The following CHSY1 variants were observed in gnomAD, a reference collection of about 807,000 sequenced individuals.
CHSY1 encodes N-acetylgalactosaminyl-proteoglycan 3-beta-glucuronosyltransferase 1.
CHSY1 carries 13 observed loss-of-function variants against 59.8 expected under a neutral mutation model. The ratio of observed to expected loss-of-function variants is 0.22; its 90% confidence interval spans 0.14 to 0.35. The LOEUF (loss-of-function observed/expected upper bound fraction) is 0.35, where lower values mean the gene tolerates loss of function less well. CHSY1 is among the 10% of genes least tolerant of loss of function. The probability of loss-of-function intolerance (pLI) is 1.00; values close to 1 mark genes in which losing one functional copy is unlikely to be tolerated. For synonymous variants in CHSY1, 459 were observed against 401.2 expected, an observed-to-expected ratio of 1.14 and a Z score of -1.72; for missense variants, 947 against 1,030.6, an observed-to-expected ratio of 0.92 and a Z score of 1.11.
At chr15:101,241,270 T>C (rs974338662) in intron 1 of CHSY1, among the ~76,000 whole-genome samples, 9 of 152,212 alleles carry the variant, frequency 5.9e-5, no homozygotes, top group Admixed American at 2.0e-4. Context: ...TTTGTACTTA[T>C]AGTTGAGACA....
At chr15:101,221,584 T>C (rs1309354627) in intron 2 of CHSY1, among the ~76,000 whole-genome samples, 1 of 152,204 alleles carries the variant, frequency 6.6e-6, no homozygotes, top group Non-Finnish European at 1.5e-5. Flanking sequence ...GTAACCAGAA[T>C]TCTAAATTAT....
chr15:101,185,989 T>C (rs1038806256), intron 2 of CHSY1, among the ~76,000 whole-genome samples: 1 of 151,690 alleles, frequency 6.6e-6, no homozygotes, highest in African/African-American at 2.4e-5. Flanking sequence ...GCAGGTAGCA[T>C]TTAATTACTG....
At chr15:101,243,757 G>C (rs953913987) in intron 1 of CHSY1, among the ~76,000 whole-genome samples, 3 of 152,230 alleles carry the variant, frequency 2.0e-5, no homozygotes, top group African/African-American at 7.2e-5. Flanking sequence ...ACTTTGCAGT[G>C]CTTGGGCTGG....
chr15:101,188,476 G>C (rs1214795016), intron 2 of CHSY1, among the ~76,000 whole-genome samples: 2 of 152,022 alleles, frequency 1.3e-5, no homozygotes. Context: ...TCCCTGCTAG[G>C]TCTTTCCTAA....
chr15:101,195,388 T>C (rs2038493687), intron 2 of CHSY1, among the ~76,000 whole-genome samples: 1 of 152,250 alleles, frequency 6.6e-6, no homozygotes, highest in African/African-American at 2.4e-5. Flanking sequence ...TGTCAGGATT[T>C]CAACCAAAGA....
chr15:101,189,755 G>A (rs909148037), intron 2 of CHSY1, among the ~76,000 whole-genome samples: 5 of 152,230 alleles, frequency 3.3e-5, no homozygotes, highest in African/African-American at 9.6e-5. Flanking sequence ...CCGTGTTAAC[G>A]TATAGCATTT....
Position 101,251,198 on chromosome 15 carries a change from G to T in CHSY1, c.259C>A (p.Leu87Ile). Residue 87 changes from leucine (L) to isoleucine (I), a missense_variant, in exon 1 of 3, where the codon CTC (leucine) becomes ATC (isoleucine). By Grantham distance (5) the Leu-to-Ile change is conservative (BLOSUM62 2). Coordinates refer to ENST00000254190, the MANE Select transcript of CHSY1 (RefSeq NM_014918.5). ...PDGGPRDRNF[L>I]FVGVMTAQKY... ...TGGGCGGTCATGACTCCCACGAAGA[G>T]AAAGTTCCTGTCGCGCGGGCCGCCA... 6.2e-7 allele frequency: 1 copy of T among 1,600,408 alleles called. No homozygotes were observed. The highest frequency in any genetic ancestry group is 8.5e-7 in the Non-Finnish European group (1 of 1,176,846).
At chr15:101,247,470 C>T (rs1370991034) in intron 1 of CHSY1, among the ~76,000 whole-genome samples, 1 of 152,102 alleles carries the variant, frequency 6.6e-6, no homozygotes, top group East Asian at 1.9e-4. Flanking sequence ...TGTCGTCCCT[C>T]TGACTAAAGA....
chr15:101,195,867 C>T (rs2038500598), intron 2 of CHSY1, among the ~76,000 whole-genome samples: 1 of 149,446 alleles, frequency 6.7e-6, no homozygotes, highest in South Asian at 2.1e-4. Flanking sequence ...GAGGTAATTG[C>T]AGGAGAGACT....
At chr15:101,181,569 T>C (rs117548925) in intron 2 of CHSY1, among the ~76,000 whole-genome samples, 2,509 of 152,306 alleles carry the variant, frequency 0.016, 34 homozygotes, top group East Asian at 0.076. Flanking sequence ...CATCTCCCCA[T>C]GTATCTCCGA....
At chr15:101,250,518 A>G (rs2039095821) in intron 1 of CHSY1, among the ~76,000 whole-genome samples, 1 of 152,236 alleles carries the variant, frequency 6.6e-6, no homozygotes, top group African/African-American at 2.4e-5. Context: ...AATTAACACC[A>G]GAATGCAGTT....
intron 2 of CHSY1, among the ~76,000 whole-genome samples, chr15:101,221,235 T>C (rs534228216): frequency 1.3e-5 from 2 of 152,344 alleles, no homozygotes; most frequent in African/African-American, 4.8e-5. Context: ...GGCTCACGCC[T>C]GTAATCCCAG....
At chr15:101,230,677 A>G (rs192679780) in intron 2 of CHSY1, among the ~76,000 whole-genome samples, 60 of 152,292 alleles carry the variant, frequency 3.9e-4, no homozygotes, top group African/African-American at 1.3e-3. Flanking sequence ...CTTTTTACAC[A>G]TTTTGCTGCA....
At chr15:101,208,102 A>C (rs1158466562) in intron 2 of CHSY1, among the ~76,000 whole-genome samples, 1 of 152,226 alleles carries the variant, frequency 6.6e-6, no homozygotes, top group Non-Finnish European at 1.5e-5. Context: ...GCAATTACAA[A>C]TACAGAAAGG....
At chr15:101,239,121 A>G (rs1228029914) in intron 1 of CHSY1, among the ~76,000 whole-genome samples, 2 of 152,230 alleles carry the variant, frequency 1.3e-5, no homozygotes, top group Non-Finnish European at 2.9e-5. Flanking sequence ...AATGTTTTTC[A>G]TTTGGCAGTC....
At chr15:101,193,496 TA>T (rs67452222) in intron 2 of CHSY1, among the ~76,000 whole-genome samples, 82,244 of 152,112 alleles carry the variant, frequency 0.54, 24,411 homozygotes, top group Non-Finnish European at 0.68. Context: ...GGAGCAAGCA[TA>T]AACGGCTGGG....
intron 2 of CHSY1, among the ~76,000 whole-genome samples, chr15:101,208,190 G>A (rs554886524): frequency 6.6e-6 from 1 of 152,136 alleles, no homozygotes; most frequent in Non-Finnish European, 1.5e-5. Context: ...ACACACACAT[G>A]CACATTTTCC....
rs1281613660 is a variant in CHSY1 at position 101,178,124 on chromosome 15, C to A, written c.1673G>T (p.Cys558Phe). ...CTTGACGTTCTGATTGGGGATAAGACACGTCTTCTCAAAGTTTCCCATAAA... is the reference window on the plus strand; with the variant it reads ...CTTGACGTTCTGATTGGGGATAAGAAACGTCTTCTCAAAGTTTCCCATAAA... ...VRFMGNFEKT[C>F]LIPNQNVKLV... The change falls in exon 3 of 3, where the codon TGT (cysteine) becomes TTT (phenylalanine). Residue 558 changes from cysteine (C) to phenylalanine (F), a missense_variant. Coordinates refer to ENST00000254190, the MANE Select transcript of CHSY1 (RefSeq NM_014918.5). The A allele has an allele frequency of 6.2e-7, 1 of 1,614,094 alleles. No individual in the cohort carries two copies. The highest frequency in any genetic ancestry group is 8.5e-7 in the Non-Finnish European group (1 of 1,180,034).
chr15:101,186,516 T>C (rs577710006), intron 2 of CHSY1, among the ~76,000 whole-genome samples: 1 of 152,292 alleles, frequency 6.6e-6, no homozygotes, highest in South Asian at 2.1e-4. Context: ...ATTTATAAAA[T>C]GACTGGGCTG....
Sources: gnomAD v4.1 joint callset for allele counts (sites outside exome capture counted in the v4.1 genomes callset) on GRCh38, gnomAD v4.1.1 for gene constraint, MANE v1.5 for transcripts, NCBI Gene and HGNC (gene_info 2026-07-23, HGNC 2026-07-21) for gene names.